The following PRIM2 variants were observed in gnomAD, a reference collection of about 807,000 sequenced individuals.
PRIM2 encodes DNA primase subunit 2, also known as DNA primase large subunit.
PRIM2 carries 39 observed loss-of-function variants against 67.3 expected under a neutral mutation model. The ratio of observed to expected loss-of-function variants is 0.58; its 90% CI spans 0.45 to 0.76. The LOEUF is 0.76. PRIM2 is among the 30% of genes least tolerant of loss of function. PRIM2 has a pLI of 0.00. For missense variants in PRIM2, 398 were observed against 598.7 expected (o/e 0.66, Z 3.50); for synonymous variants, 143 against 198.7 (o/e 0.72, Z 2.36).
At chr6:57,551,421 A>G (rs1335724874) in intron 10 of PRIM2, among the ~76,000 whole-genome samples, 1 of 152,166 alleles carries the variant, frequency 6.6e-6, no homozygotes, top group African/African-American at 2.4e-5. Flanking sequence ...AGACACAAAA[A>G]CTCAGATTTA....
At chr6:57,556,550 C>T (rs1194541403) in intron 10 of PRIM2, among the ~76,000 whole-genome samples, 37 of 152,168 alleles carry the variant, frequency 2.4e-4, no homozygotes, top group Non-Finnish European at 4.9e-4. Flanking sequence ...ACTGCCTATT[C>T]AACAAGTAGT....
chr6:57,304,040 A>T, the PRIM2 span, among the ~76,000 whole-genome samples: 2 of 152,228 alleles, frequency 1.3e-5, no homozygotes, highest in Non-Finnish European at 2.9e-5. Context: ...ATCTTTGATC[A>T]GCTAGCTATC....
In PRIM2 at chr6:57,381,444, A is replaced by G. The variant is rs1171589696; in HGVS notation, c.556-587A>G. Among the ~76,000 whole-genome samples the G allele has an allele frequency of 2.6e-5, 4 of 152,304 alleles. No homozygotes were observed. In the East Asian group the frequency reaches 7.7e-4, roughly 29 times the overall value. On this transcript the variant is annotated intron_variant, in intron 6 of 13. Coordinates refer to ENST00000615550, the MANE Select transcript of PRIM2 (RefSeq NM_000947.5). ...ATCTCTTAGAATTTTAAGATTGTTC[A>G]TAGGGTTTAAAAATCTAAGATTTTT... is the stretch of plus-strand genomic sequence containing the variant.
intron 5 of PRIM2, among the ~76,000 whole-genome samples, chr6:57,367,192 G>A (rs1424076601): frequency 6.6e-6 from 1 of 152,054 alleles, no homozygotes; most frequent in Non-Finnish European, 1.5e-5. Context: ...GATTATAAAT[G>A]ACAAAAAAAT....
At chr6:57,232,509 A>C in the PRIM2 span, among the ~76,000 whole-genome samples, 1 of 152,232 alleles carries the variant, frequency 6.6e-6, no homozygotes, top group Non-Finnish European at 1.5e-5. Context: ...AGATCGCGCC[A>C]CTGCACTCCA....
At chr6:57,585,779 T>C (rs1437136148) in intron 10 of PRIM2, among the ~76,000 whole-genome samples, 1 of 152,174 alleles carries the variant, frequency 6.6e-6, no homozygotes, top group Admixed American at 6.6e-5. Flanking sequence ...GGAGCCTGAC[T>C]TAAGTTTGGC....
intron 12 of PRIM2, among the ~76,000 whole-genome samples, chr6:57,614,321 GA>G (rs1776716652): frequency 6.6e-6 from 1 of 152,142 alleles, no homozygotes; most frequent in African/African-American, 2.4e-5. Context: ...TGTCTTCTAC[GA>G]AACTGGTCCC....
At chr6:57,375,072 T>C (rs1356706471) in intron 5 of PRIM2, among the ~76,000 whole-genome samples, 20 of 152,260 alleles carry the variant, frequency 1.3e-4, no homozygotes, top group South Asian at 2.1e-4. Flanking sequence ...TTCTCTTGCC[T>C]GATTGCCTTA....
At chr6:57,259,834 G>A in the PRIM2 span, among the ~76,000 whole-genome samples, 4 of 152,290 alleles carry the variant, frequency 2.6e-5, no homozygotes, top group East Asian at 5.8e-4. Context: ...CAGCTGAAGG[G>A]CACTGCTTTG....
intron 5 of PRIM2, among the ~76,000 whole-genome samples, chr6:57,361,524 G>C (rs2017939): frequency 0.61 from 82,341 of 134,618 alleles, 25,790 homozygotes; most frequent in African/African-American, 0.73. Flanking sequence ...AAGTCCCTGT[G>C]AATGTCAAGA....
At chr6:57,344,722 C>A (rs1000769539) in intron 5 of PRIM2, among the ~76,000 whole-genome samples, 2 of 152,090 alleles carry the variant, frequency 1.3e-5, no homozygotes, top group African/African-American at 4.8e-5. Flanking sequence ...ATTAAGTTTT[C>A]TAGTTAGTTG....
the PRIM2 span, among the ~76,000 whole-genome samples, chr6:57,233,491 C>A: frequency 6.6e-6 from 1 of 151,994 alleles, no homozygotes; most frequent in African/African-American, 2.4e-5. Context: ...ACACAAAATG[C>A]GTAAAATGAT....
At chr6:57,333,114 A>C (rs1474405988) in intron 5 of PRIM2, among the ~76,000 whole-genome samples, 1 of 152,166 alleles carries the variant, frequency 6.6e-6, no homozygotes, top group Non-Finnish European at 1.5e-5. Context: ...GCATTAAGTT[A>C]ATTTCAATAG....
chr6:57,589,517 A>C (rs1475062439), intron 10 of PRIM2, among the ~76,000 whole-genome samples: 1 of 152,156 alleles, frequency 6.6e-6, no homozygotes, highest in Non-Finnish European at 1.5e-5. Flanking sequence ...TTACTGAGTC[A>C]GAAAAATTTT....
At chr6:57,328,428 A>G (rs1332243132) in intron 5 of PRIM2, among the ~76,000 whole-genome samples, 1 of 152,220 alleles carries the variant, frequency 6.6e-6, no homozygotes, top group East Asian at 1.9e-4. Flanking sequence ...AACATTTCAT[A>G]TAAATGGAGT....
rs553999052 is a variant in PRIM2 at position 57,367,462 on chromosome 6, C to G, written c.460-12439C>G. The stretch of plus-strand genomic sequence containing the variant: ...ATATTTGGGTTATTTATCACTGTGT[C>G]AGAAATACCTCCAAACCTAAAACAA... On this transcript the variant is annotated intron_variant, in intron 5 of 13. Transcript: ENST00000615550. Among the ~76,000 whole-genome samples the G allele has an allele frequency of 2.6e-5, 4 of 152,222 alleles. No individual in the cohort carries two copies. The South Asian group carries it at 8.3e-4, about 32-fold the overall frequency.
intron 7 of PRIM2, among the ~76,000 whole-genome samples, chr6:57,482,553 G>A (rs1392832920): frequency 6.6e-6 from 1 of 152,092 alleles, no homozygotes; most frequent in Non-Finnish European, 1.5e-5. Flanking sequence ...AGGTATTAAG[G>A]TGTGTATATG....
At chr6:57,527,745 A>G (rs1483781801) in intron 8 of PRIM2, among the ~76,000 whole-genome samples, 3 of 152,160 alleles carry the variant, frequency 2.0e-5, no homozygotes, top group Non-Finnish European at 4.4e-5. Flanking sequence ...AACTAGTTCA[A>G]ATAGGTTTAA....
intron 7 of PRIM2, among the ~76,000 whole-genome samples, chr6:57,434,632 T>C (rs1771952060): frequency 6.6e-6 from 1 of 151,816 alleles, no homozygotes; most frequent in African/African-American, 2.4e-5. Context: ...AGCACATTTC[T>C]TTTAATCTCT....
Sources: allele counts gnomAD v4.1 joint callset (sites outside exome capture counted in the v4.1 genomes callset), GRCh38; gene constraint gnomAD v4.1.1; transcripts MANE v1.5; gene names NCBI Gene and HGNC (gene_info 2026-07-23, HGNC 2026-07-21).